Variants in PTCHD4 observed in about 807,000 individuals in gnomAD.
The protein encoded by PTCHD4 is patched domain-containing protein 4.
In PTCHD4, 33 loss-of-function variants were observed where a neutral mutation model predicts 58.1. The ratio of observed to expected loss-of-function variants is 0.57; its 90% CI spans 0.43 to 0.76. The LOEUF is 0.76. Ranked by LOEUF, PTCHD4 falls within the 30% of genes least tolerant of loss-of-function variation. PTCHD4 has a pLI of 0.00. For synonymous variants in PTCHD4, 478 were observed against 409.6 expected, an observed-to-expected ratio of 1.17 and a Z score of -2.02; for missense variants, 1,058 against 1,027.1, an observed-to-expected ratio of 1.03 and a Z score of -0.41.
At chr6:47,995,178 T>C (rs981401172) in intron 4 of PTCHD4, among the ~76,000 whole-genome samples, 1 of 152,208 alleles carries the variant, frequency 6.6e-6, no homozygotes, top group Non-Finnish European at 1.5e-5. Context: ...TTTACTTAGT[T>C]CATTTACTTA....
intron 4 of PTCHD4, among the ~76,000 whole-genome samples, chr6:47,917,033 T>C (rs1168422642): frequency 6.6e-6 from 1 of 152,136 alleles, no homozygotes; most frequent in Non-Finnish European, 1.5e-5. Context: ...TAATATAAAG[T>C]AACATATAGT....
chr6:48,055,208 G>A (rs868534715), intron 3 of PTCHD4, among the ~76,000 whole-genome samples: 75 of 152,190 alleles, frequency 4.9e-4, no homozygotes, highest in African/African-American at 1.6e-3. Flanking sequence ...GGGTCTGATT[G>A]TCAATGGATG....
intron 3 of PTCHD4, among the ~76,000 whole-genome samples, chr6:48,016,045 C>A (rs1181893916): frequency 6.6e-6 from 1 of 151,542 alleles, no homozygotes; most frequent in East Asian, 1.9e-4. Context: ...ACAACAACAT[C>A]TCTTTCTCAG....
chr6:47,881,932 C>G (rs1004406193), intron 4 of PTCHD4, among the ~76,000 whole-genome samples: 3 of 151,990 alleles, frequency 2.0e-5, no homozygotes, highest in Non-Finnish European at 4.4e-5. Flanking sequence ...GGAAAAGGCA[C>G]GTTTTTTTCA....
intron 3 of PTCHD4, among the ~76,000 whole-genome samples, chr6:48,044,643 CA>C (rs1763969723): frequency 6.6e-6 from 1 of 151,814 alleles, no homozygotes; most frequent in Non-Finnish European, 1.5e-5. Flanking sequence ...CAGCCATGCT[CA>C]TTTGCTTATG....
chr6:47,903,224 A>G (rs1033863995), intron 4 of PTCHD4, among the ~76,000 whole-genome samples: 20 of 152,206 alleles, frequency 1.3e-4, no homozygotes, highest in Admixed American at 6.5e-4. Flanking sequence ...AGAAAAGAAA[A>G]AACTACTTGT....
Position 47,878,799 on chromosome 6 carries a change from G to C in PTCHD4, c.2036C>G (p.Pro679Arg). ...LILTFFLVIHPLGNFWLILSV... is the reference protein window; with the variant it reads ...LILTFFLVIHRLGNFWLILSV... ...AAGAATTAGCCAGAAGTTTCCCAGA[G>C]GGTGGATCACTAGGAAAAAAGTCAG... is the stretch of plus-strand genomic sequence containing the variant. The change falls in exon 5 of 5, where the codon CCT becomes CGT. Residue 679 changes from proline (P) to arginine (R), a missense_variant. By Grantham distance (103) the Pro-to-Arg change is moderately radical (BLOSUM62 -2). Coordinates refer to ENST00000339488, the MANE Select transcript of PTCHD4 (RefSeq NM_001384253.1). The C allele has an allele frequency of 6.2e-7, 1 of 1,613,632 alleles. No homozygotes were observed. Among genetic ancestry groups the C allele is most frequent in the Non-Finnish European group, 8.5e-7 (1 of 1,179,770 alleles).
intron 3 of PTCHD4, among the ~76,000 whole-genome samples, chr6:48,026,050 T>A (rs866258662): frequency 2.6e-5 from 4 of 152,130 alleles, no homozygotes; most frequent in African/African-American, 9.7e-5. Context: ...ATTAGAAAGG[T>A]CTTCTGTATC....
rs766263009 is a variant in PTCHD4, at chr6:48,031,601, C to T, written c.418-22487G>A. On this transcript the variant is annotated intron_variant, in intron 3 of 4. Transcript: ENST00000339488. ...GAGTGAAGAATGTGAGAATAGAAGCCGTGGGGGGAATCCATGGGAATAGGG... is the reference window on the plus strand; with the variant it reads ...GAGTGAAGAATGTGAGAATAGAAGCTGTGGGGGGAATCCATGGGAATAGGG... 3.9e-5 allele frequency among the ~76,000 whole-genome samples: 6 copies of T among 152,124 alleles called. No homozygotes were observed. The South Asian group carries it at 1.0e-3, about 26-fold the overall frequency.
At chr6:48,024,421 T>A (rs1332453239) in intron 3 of PTCHD4, among the ~76,000 whole-genome samples, 1 of 152,044 alleles carries the variant, frequency 6.6e-6, no homozygotes. Context: ...GGTCAACACA[T>A]GTTTGAAAGG....
At chr6:48,092,056 G>A (rs368522428) in intron 1 of PTCHD4, among the ~76,000 whole-genome samples, 5 of 151,964 alleles carry the variant, frequency 3.3e-5, no homozygotes, top group African/African-American at 9.7e-5. Flanking sequence ...AAAATTTCAC[G>A]AGACAACTTA....
At chr6:47,975,281 T>C (rs1767651476) in intron 4 of PTCHD4, among the ~76,000 whole-genome samples, 1 of 152,226 alleles carries the variant, frequency 6.6e-6, no homozygotes, top group African/African-American at 2.4e-5. Context: ...ATGCTTCCTG[T>C]CATGGATTCT....
intron 4 of PTCHD4, among the ~76,000 whole-genome samples, chr6:47,943,413 T>C (rs774538716): frequency 9.2e-5 from 14 of 152,130 alleles, no homozygotes; most frequent in Admixed American, 2.0e-4. Context: ...CTACTAGGGA[T>C]TGGCACTCTG....
chr6:47,965,230 T>A lies in PTCHD4; in HGVS notation c.898+43404A>T, dbSNP rs543936794. ...CAAATTTGAATGCCCTGAGCAGCTA[T>A]TAAATTAGGTTTATTTTTAACTGAA... is the stretch of plus-strand genomic sequence containing the variant. On this transcript the variant is annotated intron_variant, in intron 4 of 4. Transcript: ENST00000339488. Among the ~76,000 whole-genome samples, 7 of 152,346 alleles carry A rather than the reference T, an allele frequency of 4.6e-5. No homozygotes were observed. The South Asian group carries it at 1.2e-3, about 27-fold the overall frequency.
At position 47,968,445 on chromosome 6, in the gene PTCHD4, G is replaced by A. The variant is rs180872897; in HGVS notation, c.898+40189C>T. Among the ~76,000 whole-genome samples the A allele has an allele frequency of 5.3e-5, 8 of 152,106 alleles. No individual in the cohort carries two copies. The East Asian group carries it at 1.5e-3, about 29-fold the overall frequency. The stretch of plus-strand genomic sequence containing the variant: ...TAACACAGATACATGAAATGAACAC[G>A]TGCTTTTGGAAAAATGGCACTGATA... On this transcript the variant is annotated intron_variant, in intron 4 of 4. Coordinates refer to ENST00000339488, the MANE Select transcript of PTCHD4 (RefSeq NM_001384253.1).
rs1309334366 is a variant in PTCHD4 at position 47,858,923 on chromosome 6, T to C, written c.*19380A>G. 6.6e-6 allele frequency among the ~76,000 whole-genome samples: 1 copy of C among 152,018 alleles called. No individual in the cohort carries two copies. Among genetic ancestry groups the C allele is most frequent in the Admixed American group, 6.6e-5 (1 of 15,248 alleles). ...ATTCTTTCAGCCATTAGAGAACCAGTTAATGATCTTACAGAACCTATGATT... is the reference window on the plus strand; with the variant it reads ...ATTCTTTCAGCCATTAGAGAACCAGCTAATGATCTTACAGAACCTATGATT... On this transcript the variant is annotated 3_prime_UTR_variant, in exon 5 of 5. Coordinates refer to ENST00000339488, the MANE Select transcript of PTCHD4 (RefSeq NM_001384253.1).
intron 4 of PTCHD4, among the ~76,000 whole-genome samples, chr6:47,972,605 T>C (rs1033807550): frequency 6.6e-6 from 1 of 151,976 alleles, no homozygotes; most frequent in African/African-American, 2.4e-5. Context: ...TTTTGCTTTT[T>C]AAAAATTTTA....
At chr6:47,990,573 C>G (rs568031627) in intron 4 of PTCHD4, among the ~76,000 whole-genome samples, 1 of 152,134 alleles carries the variant, frequency 6.6e-6, no homozygotes, top group Admixed American at 6.5e-5. Context: ...TTGCATCCTT[C>G]TCATTTTCTC....
At chr6:47,950,237 G>A (rs541699770) in intron 4 of PTCHD4, among the ~76,000 whole-genome samples, 44 of 152,192 alleles carry the variant, frequency 2.9e-4, no homozygotes, top group Non-Finnish European at 4.0e-4. Flanking sequence ...AAAAGCTCCT[G>A]GAGGGTTTGA....
Sources: gnomAD v4.1 joint callset for allele counts (sites outside exome capture counted in the v4.1 genomes callset) on GRCh38, gnomAD v4.1.1 for gene constraint, MANE v1.5 for transcripts, NCBI Gene and HGNC (gene_info 2026-07-23, HGNC 2026-07-21) for gene names.